PTPRD: variants seen among roughly 807,000 people sequenced by gnomAD.
PTPRD encodes receptor-type tyrosine-protein phosphatase delta.
In PTPRD, 34 loss-of-function variants were observed where a neutral mutation model predicts 214.5. The observed-to-expected ratio is 0.16, with a 90% confidence interval of 0.12 to 0.21. The LOEUF (loss-of-function observed/expected upper bound fraction) is 0.21, where lower values mean the gene tolerates loss of function less well. PTPRD is among the 10% of genes least tolerant of loss of function. The pLI, the probability that PTPRD is intolerant of heterozygous loss-of-function variation, is 1.00. For missense variants in PTPRD, 2,545 were observed against 2,398.7 expected, an observed-to-expected ratio of 1.06 and a Z score of -1.27; for synonymous variants, 1,128 against 845.7, an observed-to-expected ratio of 1.33 and a Z score of -5.79.
At chr9:10,154,152 A>C (rs138281248) in intron 3 of PTPRD, among the ~76,000 whole-genome samples, 62 of 152,194 alleles carry the variant, frequency 4.1e-4, no homozygotes, top group African/African-American at 1.5e-3. Context: ...TTGACTTTTT[A>C]ACTATAGCCA....
chr9:9,979,576 T>A (rs1405871998), intron 4 of PTPRD, among the ~76,000 whole-genome samples: 1 of 152,096 alleles, frequency 6.6e-6, no homozygotes, highest in African/African-American at 2.4e-5. Context: ...TTGTAACATA[T>A]AAGTAGAACA....
chr9:10,584,479 A>C (rs1439966766), intron 2 of PTPRD, among the ~76,000 whole-genome samples: 1 of 152,200 alleles, frequency 6.6e-6, no homozygotes, highest in Admixed American at 6.5e-5. Flanking sequence ...ATGATCACTC[A>C]GTAGAGTCTA....
At chr9:9,522,311 T>G (rs143474446) in intron 8 of PTPRD, among the ~76,000 whole-genome samples, 258 of 152,306 alleles carry the variant, frequency 1.7e-3, no homozygotes, top group African/African-American at 6.0e-3. Context: ...AAGGTAAAGT[T>G]TCATTTCTAG....
chr9:9,962,881 C>G (rs745915154), intron 4 of PTPRD, among the ~76,000 whole-genome samples: 2 of 152,102 alleles, frequency 1.3e-5, no homozygotes, highest in Non-Finnish European at 2.9e-5. Flanking sequence ...TGCACCATAA[C>G]TTGAATAAAA....
In PTPRD at chr9:9,390,029, G is replaced by A. The variant is rs879117042; in HGVS notation, c.-203+7420C>T. ...GACAGAGGTGGGAGAAAAGCATTGC[G>A]GTAGGGTGACATTTCAGCAGAGACT... On this transcript the variant is annotated intron_variant, in intron 9 of 45. Coordinates refer to ENST00000381196, the MANE Select transcript of PTPRD (RefSeq NM_002839.4). Among the ~76,000 whole-genome samples, 16 of 152,250 alleles carry A rather than the reference G, an allele frequency of 1.1e-4. No homozygotes were observed. The East Asian group carries it at 1.2e-3, about 11-fold the overall frequency.
intron 11 of PTPRD, among the ~76,000 whole-genome samples, chr9:8,927,516 T>G (rs1283855590): frequency 6.6e-6 from 1 of 152,198 alleles, no homozygotes; most frequent in Admixed American, 6.5e-5. Context: ...GCTTCATCCA[T>G]GTTCCTGCAA....
At position 9,789,796 on chromosome 9, in the gene PTPRD, C is replaced by CAAAAAAA. The variant is rs774579667; in HGVS notation, c.-367-22952_-367-22946dup. On this transcript the variant is annotated intron_variant, in intron 5 of 45. Transcript: ENST00000381196. ...TGGGCAACAGAGCCAAACTCTGTCT[C>CAAAAAAA]AAAAAAAAAAAAAAAAAAAAAAAAA... Among the ~76,000 whole-genome samples the CAAAAAAA allele has an allele frequency of 2.7e-3, 110 of 40,782 alleles. 2 individuals are homozygous for CAAAAAAA. The highest frequency in any genetic ancestry group is 5.9e-3 in the African/African-American group (72 of 12,290). The allele number at this position is 40,782 out of a possible 152,430, so 26.8% of individuals were successfully genotyped here.
chr9:9,777,965 CA>C (rs2098811715), intron 5 of PTPRD, among the ~76,000 whole-genome samples: 1 of 152,014 alleles, frequency 6.6e-6, no homozygotes, highest in East Asian at 1.9e-4. Flanking sequence ...AAAGCATGGA[CA>C]AAGAGGATAT....
chr9:10,497,649 T>C (rs1458530339), intron 2 of PTPRD, among the ~76,000 whole-genome samples: 2 of 152,038 alleles, frequency 1.3e-5, no homozygotes, highest in African/African-American at 2.4e-5. Context: ...ATGGCGGATA[T>C]GCTAAATTAT....
intron 3 of PTPRD, among the ~76,000 whole-genome samples, chr9:10,211,110 G>C (rs1264884499): frequency 6.6e-6 from 1 of 151,922 alleles, no homozygotes; most frequent in East Asian, 1.9e-4. Flanking sequence ...GGGGAGATTG[G>C]TAAAAATAAA....
At chr9:8,902,851 C>T (rs1293747560) in intron 11 of PTPRD, among the ~76,000 whole-genome samples, 2 of 152,120 alleles carry the variant, frequency 1.3e-5, no homozygotes, top group Non-Finnish European at 2.9e-5. Context: ...TCAAAATCAT[C>T]ATTCGAAGGT....
At chr9:10,544,668 G>C (rs938040330) in intron 2 of PTPRD, among the ~76,000 whole-genome samples, 1 of 152,152 alleles carries the variant, frequency 6.6e-6, no homozygotes, top group African/African-American at 2.4e-5. Context: ...TCATTTTAAA[G>C]ATTTTTGAGT....
intron 39 of PTPRD, among the ~76,000 whole-genome samples, chr9:8,373,742 G>C (rs955767486): frequency 6.6e-6 from 1 of 151,336 alleles, no homozygotes; most frequent in African/African-American, 2.4e-5. Context: ...ATCTGTCACG[G>C]TGCCTAGCAT....
chr9:9,802,435 T>G (rs2099046872), intron 5 of PTPRD, among the ~76,000 whole-genome samples: 1 of 151,996 alleles, frequency 6.6e-6, no homozygotes, highest in Non-Finnish European at 1.5e-5. Flanking sequence ...GGCCATAATT[T>G]GCTCCTAAAT....
chr9:9,240,888 T>C (rs1210471572), intron 9 of PTPRD, among the ~76,000 whole-genome samples: 1 of 152,132 alleles, frequency 6.6e-6, no homozygotes, highest in Non-Finnish European at 1.5e-5. Flanking sequence ...ATAGTTATTG[T>C]TTTACTTTGG....
At chr9:10,174,179 C>G (rs2099230963) in intron 3 of PTPRD, among the ~76,000 whole-genome samples, 1 of 152,130 alleles carries the variant, frequency 6.6e-6, no homozygotes, top group Non-Finnish European at 1.5e-5. Flanking sequence ...GTTTGTCCTG[C>G]TAAACCTCAG....
intron 3 of PTPRD, among the ~76,000 whole-genome samples, chr9:10,214,849 T>A (rs1280454114): frequency 6.6e-6 from 1 of 152,114 alleles, no homozygotes; most frequent in African/African-American, 2.4e-5. Flanking sequence ...AAGACTGGTC[T>A]GGGTGCTCTC....
chr9:10,449,447 C>A (rs1013523215), intron 2 of PTPRD, among the ~76,000 whole-genome samples: 12 of 151,786 alleles, frequency 7.9e-5, no homozygotes, highest in Admixed American at 6.6e-4. Context: ...TGGCAGCCTC[C>A]GCCCGGCGGC....
chr9:9,086,631 C>T (rs1185040877), intron 10 of PTPRD, among the ~76,000 whole-genome samples: 1 of 152,138 alleles, frequency 6.6e-6, no homozygotes, highest in Non-Finnish European at 1.5e-5. Flanking sequence ...TAAATTGTTC[C>T]TAGGAAATAT....
Sources: allele counts gnomAD v4.1 joint callset (sites outside exome capture counted in the v4.1 genomes callset), GRCh38; gene constraint gnomAD v4.1.1; transcripts MANE v1.5; gene names NCBI Gene and HGNC (gene_info 2026-07-23, HGNC 2026-07-21).